The following RPL26 variants were observed in gnomAD, a reference collection of about 807,000 sequenced individuals.
RPL26 encodes the protein ribosomal protein L26, also known as large ribosomal subunit protein uL24.
A neutral mutation model predicts 16.2 loss-of-function variants in RPL26; 1 was observed. That is an observed-to-expected ratio of 0.06 (90% CI 0.02 to 0.29). The LOEUF (loss-of-function observed/expected upper bound fraction) is 0.29, where lower values mean the gene tolerates loss of function less well. RPL26 is among the 10% of genes least tolerant of loss of function. The probability of loss-of-function intolerance (pLI) is 1.00; values close to 1 mark genes in which losing one functional copy is unlikely to be tolerated. For missense variants in RPL26, 102 were observed against 184.3 expected, an observed-to-expected ratio of 0.55 and a Z score of 2.58; for synonymous variants, 55 against 62.4, an observed-to-expected ratio of 0.88 and a Z score of 0.56.
chr17:8,377,877 T>G (rs1907221793), intron 3 of RPL26, among the ~76,000 whole-genome samples, 185 bp from the exon 4 acceptor site: 1 of 152,218 alleles, frequency 6.6e-6, no homozygotes, highest in South Asian at 2.1e-4. Context: ...ATTTACTAAT[T>G]TCCTACCAAC....
intron 3 of RPL26, chr17:8,379,573 A>G: frequency 1.7e-6 from 1 of 583,316 alleles, no homozygotes. Flanking sequence ...GACTGTCTCA[A>G]AAACAAACTA....
chr17:8,383,036 G>A (rs1907501486), intron 1 of RPL26, 121 bp downstream of exon 1: 2 of 398,438 alleles, frequency 5.0e-6, no homozygotes, highest in African/African-American at 2.1e-5. Context: ...AACCATCCCA[G>A]TCTCTCCTTC....
intron 1 of RPL26, chr17:8,382,612 G>A: frequency 2.8e-6 from 1 of 362,778 alleles, no homozygotes; most frequent in Non-Finnish European, 5.0e-6. Context: ...CTCAAGTAGT[G>A]CCTGAGGAAA....
chr17:8,378,819 G>A (rs970019191), intron 3 of RPL26, among the ~76,000 whole-genome samples: 2 of 152,206 alleles, frequency 1.3e-5, no homozygotes, highest in Non-Finnish European at 2.9e-5. Context: ...CACTTTGATA[G>A]AGTAAGAAGG....
chr17:8,381,636 A>AC (rs1242652850), intron 2 of RPL26: 1 of 167,182 alleles, frequency 6.0e-6, no homozygotes, highest in Non-Finnish European at 1.3e-5. Context: ...TAAGAGTGAG[A>AC]CCCCATCTCA....
At chr17:8,380,243 C>G (rs138979374) in intron 2 of RPL26, among the ~76,000 whole-genome samples, 24 of 152,276 alleles carry the variant, frequency 1.6e-4, no homozygotes, top group Non-Finnish European at 1.9e-4. Context: ...GACAGGAATC[C>G]CAGTGGTCCT....
intron 1 of RPL26, chr17:8,382,832 T>A (rs912505106): frequency 2.6e-6 from 1 of 388,776 alleles, no homozygotes; most frequent in African/African-American, 2.1e-5. Flanking sequence ...AGTGGGCAAG[T>A]GTGGTCTGGA....
intron 3 of RPL26, chr17:8,379,194 CTT>C (rs201780869): frequency 1.1e-4 from 15 of 142,744 alleles, no homozygotes; most frequent in Non-Finnish European, 9.2e-5. Context: ...TATTTTTTTT[CTT>C]TTTTTTTTTT....
chr17:8,382,063 T>C lies in RPL26; in HGVS notation c.168+80A>G, dbSNP rs1907442625. ...GGGAGCAAGAGTCTCAGAAGCATCT[T>C]TCTCAGGAATGCAATCTCTCTTCTA... On this transcript the variant is annotated intron_variant, in intron 2 of 3. Transcript: ENST00000648839. The C allele has an allele frequency of 2.3e-6, 3 of 1,281,810 alleles. No homozygotes were observed. The South Asian group carries it at 3.8e-5, about 16-fold the overall frequency. The allele number at this position is 1,281,810 out of a possible 1,614,324, so 79.4% of individuals were successfully genotyped here.
chr17:8,383,116 G>C, intron 1 of RPL26, 41 bp downstream of exon 1: 1 of 398,650 alleles, frequency 2.5e-6, no homozygotes. Flanking sequence ...CCCAAGAACG[G>C]ATGGCTGCTG....
chr17:8,383,134 C>T, intron 1 of RPL26, 23 bp downstream of exon 1: 1 of 398,680 alleles, frequency 2.5e-6, no homozygotes, highest in Non-Finnish European at 4.4e-6. Context: ...CTGATTACAC[C>T]CGCTTGCCCG....
intron 1 of RPL26, chr17:8,382,814 A>G (rs1477462521): frequency 2.6e-6 from 1 of 383,364 alleles, no homozygotes; most frequent in Non-Finnish European, 4.6e-6. Flanking sequence ...GGGTCCTAAA[A>G]GCCTCCCAGT....
In RPL26 at chr17:8,379,954, A is replaced by T; in HGVS notation, c.169-18T>A. ...CGTACAACCTAAGAGCAAATTCAAA[A>T]GTAACAAATATTTGAATAAAAGATT... On this transcript the variant is annotated intron_variant, in intron 2 of 3. Coordinates refer to ENST00000648839, the MANE Select transcript of RPL26 (RefSeq NM_000987.5). 4 of 1,599,376 alleles carry T rather than the reference A, an allele frequency of 2.5e-6. No homozygotes were observed. The highest frequency in any genetic ancestry group is 3.4e-6 in the Non-Finnish European group (4 of 1,170,086).
chr17:8,379,018 T>A (rs1370901623), intron 3 of RPL26: 1 of 152,174 alleles, frequency 6.6e-6, no homozygotes, highest in African/African-American at 2.4e-5. Context: ...AAGAATCAAC[T>A]GGAGGGCTTA....
At chr17:8,378,047 C>T (rs140042885) in intron 3 of RPL26, among the ~76,000 whole-genome samples, 350 of 152,330 alleles carry the variant, frequency 2.3e-3, no homozygotes, top group African/African-American at 8.0e-3. Flanking sequence ...AAAGTAACTT[C>T]AGGCTGGGTG....
chr17:8,378,503 A>T (rs1907260391), intron 3 of RPL26, among the ~76,000 whole-genome samples: 1 of 150,504 alleles, frequency 6.6e-6, no homozygotes, highest in Non-Finnish European at 1.5e-5. Flanking sequence ...AAACAAAAAA[A>T]ACCCCACCCC....
At chr17:8,377,763 T>TCTG in intron 3 of RPL26, 71 bp from the exon 4 acceptor site, 1 of 1,416,388 alleles carries the variant, frequency 7.1e-7, no homozygotes, top group South Asian at 1.5e-5. Context: ...AAGCCCAACA[T>TCTG]TCAATACCAT....
At chr17:8,381,952 T>C (rs1468007634) in intron 2 of RPL26, 191 bp downstream of exon 2, 1 of 508,542 alleles carries the variant, frequency 2.0e-6, no homozygotes, top group African/African-American at 2.1e-5. Flanking sequence ...AAAAAAAAGA[T>C]TTTCACCAAA....
chr17:8,379,488 C>A, intron 3 of RPL26: 1 of 482,994 alleles, frequency 2.1e-6, no homozygotes. Flanking sequence ...GCGGGAGAAT[C>A]GCTTGCACTT....
Sources: allele counts gnomAD v4.1 joint callset (sites outside exome capture counted in the v4.1 genomes callset), GRCh38; gene constraint gnomAD v4.1.1; transcripts MANE v1.5; gene names NCBI Gene and HGNC (gene_info 2026-07-23, HGNC 2026-07-21).